Variants in IGSF1 observed in about 807,000 individuals in gnomAD.
IGSF1 encodes immunoglobulin superfamily member 1.
IGSF1 carries 40 observed loss-of-function variants against 95.3 expected under a neutral mutation model. The ratio of observed to expected loss-of-function variants is 0.42; its 90% CI spans 0.33 to 0.55. IGSF1 has a LOEUF of 0.55. Among genes scored for constraint, IGSF1 ranks in the 20% least tolerant of loss-of-function variants. The pLI is 0.10. For missense variants in IGSF1, 906 were observed against 1,025.4 expected (o/e 0.88, Z 1.59); for synonymous variants, 372 against 382.9 (o/e 0.97, Z 0.33).
At position 131,275,519 on chromosome X, in the gene IGSF1, A is replaced by G. The variant is rs2080463163; in HGVS notation, c.3143T>C (p.Ile1048Thr). ...CCYHPDWTSS[I>T]KIQPSNTLEL... ...CAGGGTGTTGCTAGGTTGTATCTTG[A>G]TAGAACTGGTCCAGTCAGGGTGGTA... The change falls in exon 16 of 20, where the codon ATC becomes ACC. Residue 1048 changes from isoleucine (I) to threonine (T), a missense_variant. Physicochemically the swap from Ile to Thr is moderately conservative, Grantham distance 89. Transcript: ENST00000361420. 1 of 1,211,324 alleles carries G rather than the reference A, an allele frequency of 8.3e-7. No individual in the cohort carries two copies. The highest frequency in any genetic ancestry group is 1.7e-5 in the African/African-American group (1 of 57,669).
At position 131,285,966 on chromosome X, in the gene IGSF1, G is replaced by C. The variant is rs1003272470; in HGVS notation, c.180C>G (p.Ser60Arg). Residue 60 changes from serine to arginine, a missense_variant, in exon 4 of 20, where the codon AGC (serine) becomes AGG (arginine). Physicochemically the swap from Ser to Arg is moderately radical, Grantham distance 110. Transcript: ENST00000361420. ...PWENITLWCRSPSRISSKFLL... is the reference protein window; with the variant it reads ...PWENITLWCRRPSRISSKFLL... The stretch of plus-strand genomic sequence containing the variant: ...GGAACTTGCTTGATATCCGAGAGGG[G>C]CTTCGGCACCAAAGCGTGATGTTCT... 1.7e-6 allele frequency: 2 copies of C among 1,210,812 alleles called. No individual in the cohort carries two copies. The highest frequency in any genetic ancestry group is 5.9e-5 in the East Asian group (2 of 33,829).
rs201109191 is a variant in IGSF1 at position 131,275,976 on chromosome X, T to C, written c.2881A>G (p.Met961Val). The part of the protein sequence containing the change: ...NRGSYLSMPL[M>V]IWVTDTFPKP... ...CGGTCCTTACCAGTCACCCAGATCA[T>C]AAGGGGCATACTGAGATATGACCCC... is the stretch of plus-strand genomic sequence containing the variant. The change falls in exon 15 of 20, where the codon ATG (methionine) becomes GTG (valine). Residue 961 changes from methionine (M) to valine (V), a missense_variant. By Grantham distance (21) the Met-to-Val change is conservative. Coordinates refer to ENST00000361420, the MANE Select transcript of IGSF1 (RefSeq NM_001555.5). The C allele has an allele frequency of 1.1e-5, 13 of 1,209,996 alleles. No individual in the cohort carries two copies. The highest frequency in any genetic ancestry group is 8.8e-5 in the South Asian group (5 of 56,587).
rs751379108 is a variant in IGSF1 at position 131,286,422 on chromosome X, G to A, written c.97+15C>T. 1 of 1,184,928 alleles carries A rather than the reference G, an allele frequency of 8.4e-7. No individual in the cohort carries two copies. Among genetic ancestry groups the A allele is most frequent in the East Asian group, 3.0e-5 (1 of 33,717 alleles). ...CTTTAGGAAGGAGGTGCCTGAGAGG[G>A]CAGGACTCACTTACCTATTGATGTC... On this transcript the variant is annotated intron_variant, in intron 3 of 19. Coordinates refer to ENST00000361420, the MANE Select transcript of IGSF1 (RefSeq NM_001555.5).
chrX:131,285,675 C>T, intron 4 of IGSF1, 92 bp downstream of exon 4: 2 of 956,984 alleles, frequency 2.1e-6, no homozygotes, highest in Non-Finnish European at 1.4e-6. Flanking sequence ...GGGATGCATG[C>T]TTGCATGCAT....
chrX:131,285,438 AATCC>A lies in IGSF1; in HGVS notation c.404_407del (p.Trp135PhefsTer54), dbSNP rs1256294497. 2.5e-5 allele frequency: 30 copies of A among 1,206,669 alleles called. No homozygotes were observed. The highest frequency in any genetic ancestry group is 3.4e-5 in the Non-Finnish European group (30 of 893,217). ...CAGGAAGAGCGGGGGTCTCAGCCTG[AATCC>A]AGAAGATGGGCTTGGGCAGTTGGCC... On this transcript the variant is annotated frameshift_variant, in exon 5 of 20. Transcript: ENST00000361420. LOFTEE classifies it high-confidence loss of function.
At position 131,285,748 on chromosome X, in the gene IGSF1, A is replaced by G. The variant is rs1169653663; in HGVS notation, c.379+19T>C. 2.5e-6 allele frequency: 3 copies of G among 1,177,972 alleles called. No individual in the cohort carries two copies. The highest frequency in any genetic ancestry group is 2.3e-6 in the Non-Finnish European group (2 of 876,350). ...TCTCAGGAGCTGGAGTTGATTCTTG[A>G]GTATCACTGTCATCTTACCTGGTGC... is the stretch of plus-strand genomic sequence containing the variant. On this transcript the variant is annotated intron_variant, in intron 4 of 19. Coordinates refer to ENST00000361420, the MANE Select transcript of IGSF1 (RefSeq NM_001555.5).
At position 131,285,970 on chromosome X, in the gene IGSF1, C is replaced by T. The variant is rs1297768369; in HGVS notation, c.176G>A (p.Arg59Gln). The T allele has an allele frequency of 3.3e-6, 4 of 1,210,024 alleles. No individual in the cohort carries two copies. The highest frequency in any genetic ancestry group is 1.7e-5 in the African/African-American group (1 of 57,678). Reference sequence around the variant, plus strand: ...CTTGCTTGATATCCGAGAGGGGCTTCGGCACCAAAGCGTGATGTTCTCCCA... The same window carrying T: ...CTTGCTTGATATCCGAGAGGGGCTTTGGCACCAAAGCGTGATGTTCTCCCA... ...APWENITLWC[R>Q]SPSRISSKFL... Residue 59 changes from arginine to glutamine, a missense_variant, in exon 4 of 20, where the codon CGA becomes CAA. Arg to Gln is a conservative substitution (Grantham distance 43). Coordinates refer to ENST00000361420, the MANE Select transcript of IGSF1 (RefSeq NM_001555.5).
At chrX:131,288,833 C>A (rs183299866) in intron 1 of IGSF1, among the ~76,000 whole-genome samples, 330 of 108,349 alleles carry the variant, frequency 3.0e-3, no homozygotes, top group Non-Finnish European at 5.1e-3. Flanking sequence ...CACCCTTAGG[C>A]AGCGCCGCAG....
chrX:131,275,774 A>C lies in IGSF1; in HGVS notation c.2897-9T>G, dbSNP rs962417166. The C allele has an allele frequency of 1.6e-5, 19 of 1,203,425 alleles. No homozygotes were observed. The highest frequency in any genetic ancestry group is 1.9e-5 in the Non-Finnish European group (17 of 889,583). The stretch of plus-strand genomic sequence containing the variant: ...TGGCTTAGGGAATGTGTCTAGAAAG[A>C]GACCAAGGTTGTAAAGTGGTGACTA... On this transcript the variant is annotated splice_polypyrimidine_tract_variant and intron_variant, in intron 15 of 19. Transcript: ENST00000361420.
At chrX:131,274,501 A>C in intron 18 of IGSF1, 98 bp downstream of exon 18, 1 of 946,514 alleles carries the variant, frequency 1.1e-6, no homozygotes, top group Non-Finnish European at 1.5e-6. Flanking sequence ...CCTGGCTCCA[A>C]AGCTCCTCCA....
intron 6 of IGSF1, 119 bp from the exon 7 acceptor site, chrX:131,282,856 T>C (rs2080581854): frequency 1.1e-6 from 1 of 934,015 alleles, no homozygotes; most frequent in Non-Finnish European, 1.5e-6. Flanking sequence ...ACACCCAGTT[T>C]TACAAATTCT....
intron 5 of IGSF1, chrX:131,284,529 A>G (rs2080605626): frequency 1.3e-6 from 1 of 752,098 alleles, no homozygotes; most frequent in African/African-American, 2.3e-5. Flanking sequence ...AAATGTGGCC[A>G]ATTCCATCTA....
Sources: allele counts gnomAD v4.1 joint callset (sites outside exome capture counted in the v4.1 genomes callset), GRCh38; gene constraint gnomAD v4.1.1; transcripts MANE v1.5; gene names NCBI Gene and HGNC (gene_info 2026-07-23, HGNC 2026-07-21).